Variants in CENPF observed in about 807,000 individuals in gnomAD.
CENPF encodes AH antigen.
Under a neutral mutation model 307.3 loss-of-function variants are expected in CENPF, and 214 were observed. That is an observed-to-expected ratio of 0.70 (90% CI 0.62 to 0.78). The LOEUF (loss-of-function observed/expected upper bound fraction) is 0.78, where lower values mean the gene tolerates loss of function less well. Among genes scored for constraint, CENPF ranks in the 30% least tolerant of loss-of-function variants. The pLI is 0.00. For missense variants in CENPF, 3,401 were observed against 3,483.9 expected (o/e 0.98, Z 0.60); for synonymous variants, 1,259 against 1,270.6 (o/e 0.99, Z 0.19).
intron 15 of CENPF, 52 bp from the exon 16 acceptor site, chr1:214,652,776 G>A: frequency 6.9e-7 from 1 of 1,442,850 alleles, no homozygotes; most frequent in Non-Finnish European, 9.3e-7. Flanking sequence ...TTTTTTAGCT[G>A]TGCCTCCTGG....
At chr1:214,637,819 A>G in intron 10 of CENPF, 47 bp from the exon 11 acceptor site, 1 of 1,578,482 alleles carries the variant, frequency 6.3e-7, no homozygotes, top group Non-Finnish European at 8.6e-7. Flanking sequence ...GTCATAACTT[A>G]CTTGAGCATT....
At chr1:214,616,435 G>T (rs1657339306) in intron 3 of CENPF, among the ~76,000 whole-genome samples, 1 of 152,118 alleles carries the variant, frequency 6.6e-6, no homozygotes. Flanking sequence ...GCTACAAGTG[G>T]CAATTATGAT....
At chr1:214,631,790 C>G (rs1412188043) in intron 9 of CENPF, among the ~76,000 whole-genome samples, 1 of 152,188 alleles carries the variant, frequency 6.6e-6, no homozygotes, top group East Asian at 1.9e-4. Context: ...ATGAGCCGCC[C>G]TGCCTGGGCA....
In CENPF at chr1:214,642,330, C is replaced by G. The variant is rs371416739; in HGVS notation, c.3992C>G (p.Ala1331Gly). ...GATTCAAGGTCAGAATGTATCACAG[C>G]AACTAGGAAAATGGCAGAAGAGGTA... Reference protein sequence around the residue: ...LNDSRSECITATRKMAEEVGK... With the variant: ...LNDSRSECITGTRKMAEEVGK... Residue 1331 changes from alanine (A) to glycine (G), a missense_variant, in exon 12 of 20, where the codon GCA (alanine) becomes GGA (glycine). By Grantham distance (60) the Ala-to-Gly change is moderately conservative. Transcript: ENST00000366955. 2 of 1,613,536 alleles carry G rather than the reference C, an allele frequency of 1.2e-6. No individual in the cohort carries two copies. Among genetic ancestry groups the G allele is most frequent in the East Asian group, 4.5e-5 (2 of 44,870 alleles).
In CENPF at chr1:214,642,026, G is replaced by A; in HGVS notation, c.3688G>A (p.Glu1230Lys). The change falls in exon 12 of 20, where the codon GAG becomes AAG. Residue 1230 changes from glutamate to lysine, a missense_variant. By Grantham distance (56) the Glu-to-Lys change is moderately conservative. Transcript: ENST00000366955. ...KELKLQESEKEKECLQHELQT... is the reference protein window; with the variant it reads ...KELKLQESEKKKECLQHELQT... ...ATTAAAACTTCAGGAAAGTGAGAAGGAGAAGGAGTGCCTGCAGCATGAATT... is the reference window on the plus strand; with the variant it reads ...ATTAAAACTTCAGGAAAGTGAGAAGAAGAAGGAGTGCCTGCAGCATGAATT... 6.2e-7 allele frequency: 1 copy of A among 1,611,330 alleles called. No homozygotes were observed. The highest frequency in any genetic ancestry group is 8.5e-7 in the Non-Finnish European group (1 of 1,179,370).
intron 6 of CENPF, 37 bp from the exon 7 acceptor site, chr1:214,622,042 A>G (rs1301647013): frequency 6.7e-7 from 1 of 1,484,606 alleles, no homozygotes; most frequent in African/African-American, 1.4e-5. Context: ...GGAAAGATAT[A>G]TATGAATTGG....
Position 214,664,044 on chromosome 1 carries a change from A to C in CENPF, c.*250A>C, listed in dbSNP as rs1167144704. The C allele has an allele frequency of 2.8e-6, 1 of 362,390 alleles. No individual in the cohort carries two copies. The highest frequency in any genetic ancestry group is 2.1e-5 in the African/African-American group (1 of 48,694). 22.4% of individuals were successfully genotyped at this position (362,390 alleles called of 1,614,324 possible). On this transcript the variant is annotated 3_prime_UTR_variant, in exon 20 of 20. Coordinates refer to ENST00000366955, the MANE Select transcript of CENPF (RefSeq NM_016343.4). ...AAATAGTATAAAGCTATGTATATAAAGCTTTTTGGTAATATGTTACAATTA... is the reference window on the plus strand; with the variant it reads ...AAATAGTATAAAGCTATGTATATAACGCTTTTTGGTAATATGTTACAATTA...
chr1:214,652,702 CAAAGTGCTGGGATTACAGGTGTG>C, intron 15 of CENPF, 103 bp from the exon 16 acceptor site: 1 of 756,614 alleles, frequency 1.3e-6, no homozygotes, highest in South Asian at 2.3e-5. Context: ...CTTGGCCTCC[CAAAGTGCTGGGATTACAGGTGTG>C]AAACACTGCG....
At chr1:214,644,348 G>A (rs190749366) in intron 12 of CENPF, among the ~76,000 whole-genome samples, 131 of 152,352 alleles carry the variant, frequency 8.6e-4, no homozygotes, top group African/African-American at 3.1e-3. Flanking sequence ...CCTAACCCCA[G>A]TGTCTTGCCC....
chr1:214,609,341 C>G (rs1367316748), intron 1 of CENPF, among the ~76,000 whole-genome samples: 1 of 152,150 alleles, frequency 6.6e-6, no homozygotes, highest in African/African-American at 2.4e-5. Flanking sequence ...TGCATGCATT[C>G]ATTATTAAAA....
At position 214,647,193 on chromosome 1, in the gene CENPF, G is replaced by A. The variant is rs1658335671; in HGVS notation, c.7623G>A (p.Leu2541=). The A allele has an allele frequency of 6.2e-7, 1 of 1,614,134 alleles. No homozygotes were observed. The highest frequency in any genetic ancestry group is 8.5e-7 in the Non-Finnish European group (1 of 1,179,984). ...ACCAAGAGCAGCTTGTCTCTAAACT[G>A]TCCCAGGTGGAAGGAGAGCACCAAC... ...IQDQEQLVSK[L]SQVEGEHQLW... The change falls in exon 13 of 20, where the codon CTG becomes CTA. Residue 2541 remains leucine, a synonymous_variant. Coordinates refer to ENST00000366955, the MANE Select transcript of CENPF (RefSeq NM_016343.4).
rs1658005351 is a variant in CENPF at position 214,637,893 on chromosome 1, A to G, written c.1474A>G (p.Lys492Glu). ...EEMKKENNLL[K>E]SHSEQKAREV... is the part of the protein sequence containing the mutation. ...AATGAAGAAGGAAAACAACCTCCTT[A>G]AGAGTCACTCTGAGCAAAAGGCCAG... The change falls in exon 11 of 20, where the codon AAG becomes GAG. Residue 492 changes from lysine (K) to glutamate (E), a missense_variant. Lys to Glu is a moderately conservative substitution (Grantham distance 56). Coordinates refer to ENST00000366955, the MANE Select transcript of CENPF (RefSeq NM_016343.4). 6.2e-7 allele frequency: 1 copy of G among 1,611,488 alleles called. No homozygotes were observed. The highest frequency in any genetic ancestry group is 8.5e-7 in the Non-Finnish European group (1 of 1,179,532).
intron 6 of CENPF, among the ~76,000 whole-genome samples, chr1:214,621,318 G>A (rs1258455698): frequency 6.6e-6 from 1 of 152,202 alleles, no homozygotes; most frequent in East Asian, 1.9e-4. Flanking sequence ...TTGGCCAGAG[G>A]TTGTGTGTGT....
At chr1:214,658,136 A>ATCTATAGT (rs1658692265) in intron 18 of CENPF, among the ~76,000 whole-genome samples, 1 of 152,100 alleles carries the variant, frequency 6.6e-6, no homozygotes, top group South Asian at 2.1e-4. Context: ...CTCTAGCCCA[A>ATCTATAGT]AAATAGTTAT....
intron 1 of CENPF, among the ~76,000 whole-genome samples, chr1:214,611,558 G>GT (rs1203034798): frequency 6.6e-6 from 1 of 152,038 alleles, no homozygotes. Flanking sequence ...TAGAGATGGG[G>GT]TTTCACCATG....
At chr1:214,616,853 CTTTCTTTCTTTCTTTCTT>C (rs1657358642) in intron 3 of CENPF, among the ~76,000 whole-genome samples, 1 of 13,656 alleles carries the variant, frequency 7.3e-5, no homozygotes, top group Non-Finnish European at 1.8e-4. Context: ...TTCTTTCTTT[CTTTCTTTCTTTCTTTCTT>C]TCTTTCTTTC....
intron 12 of CENPF, 92 bp downstream of exon 12, chr1:214,643,416 TAA>T (rs1448368970): frequency 8.8e-7 from 1 of 1,130,618 alleles, no homozygotes; most frequent in Admixed American, 3.0e-5. Context: ...ACATTAAACC[TAA>T]GTTAAAATAT....
Position 214,658,868 on chromosome 1 carries a change from C to T in CENPF, c.8981C>T (p.Thr2994Ile). The T allele has an allele frequency of 6.2e-7, 1 of 1,613,996 alleles. No individual in the cohort carries two copies. The highest frequency in any genetic ancestry group is 8.5e-7 in the Non-Finnish European group (1 of 1,179,936). The stretch of plus-strand genomic sequence containing the variant: ...CCCTTAGGGTTTGCTGACATCCCGA[C>T]AGGAAAGACTAGCCCATATATCCTG... ...VVKKGFADIP[T>I]GKTSPYILRR... The change falls in exon 19 of 20, where the codon ACA becomes ATA. Residue 2994 changes from threonine (T) to isoleucine (I), a missense_variant. Coordinates refer to ENST00000366955, the MANE Select transcript of CENPF (RefSeq NM_016343.4).
chr1:214,624,281 A>G (rs1013289679), intron 7 of CENPF, among the ~76,000 whole-genome samples: 2 of 152,086 alleles, frequency 1.3e-5, no homozygotes, highest in Admixed American at 1.3e-4. Flanking sequence ...GTATCAGGGT[A>G]TCCTAGTTTC....
Sources: allele counts gnomAD v4.1 joint callset (sites outside exome capture counted in the v4.1 genomes callset), GRCh38; gene constraint gnomAD v4.1.1; transcripts MANE v1.5; gene names NCBI Gene and HGNC (gene_info 2026-07-23, HGNC 2026-07-21).